TREM1: variants seen among roughly 807,000 people sequenced by gnomAD.
TREM1 encodes triggering receptor expressed on myeloid cells 1, also known as triggering receptor expressed on monocytes 1.
A neutral mutation model predicts 22.4 loss-of-function variants in TREM1; 16 were observed. The ratio of observed to expected loss-of-function variants is 0.71; its 90% confidence interval spans 0.48 to 1.08. TREM1 has a LOEUF of 1.08. Among genes scored for constraint, TREM1 ranks in the 50% least tolerant of loss-of-function variants. The probability of loss-of-function intolerance (pLI) is 0.00; values close to 1 mark genes in which losing one functional copy is unlikely to be tolerated. For synonymous variants in TREM1, 110 were observed against 111.6 expected, an observed-to-expected ratio of 0.99 and a Z score of 0.09; for missense variants, 283 against 282.9, an observed-to-expected ratio of 1.00 and a Z score of 0.00.
At chr6:41,269,273 C>T (rs886966164), downstream of TREM1, among the ~76,000 whole-genome samples, 34 of 152,064 alleles carry the variant, frequency 2.2e-4, no homozygotes, top group Admixed American at 5.2e-4. Flanking sequence ...GAGAAGCAAC[C>T]GAAGGTCACC....
chr6:41,268,464 TG>T (rs1377492456), intron 3 of TREM1, among the ~76,000 whole-genome samples: 8 of 152,228 alleles, frequency 5.3e-5, no homozygotes, highest in Admixed American at 5.2e-4. Flanking sequence ...ACTCCAATGA[TG>T]GATTCATACC....
In TREM1 at chr6:41,283,719, A is replaced by AAACACAC. The variant is rs1554147927; in HGVS notation, c.50-969_50-968insGTGTGTT. Reference sequence around the variant, plus strand: ...AGGGCAAGACTCTGTTAAAAAAAAAAACACACACACACACACACACATACA... The same window carrying AAACACAC: ...AGGGCAAGACTCTGTTAAAAAAAAAAAACACACACACACACACACACACACACATACA... On this transcript the variant is annotated intron_variant, in intron 1 of 3. Coordinates refer to ENST00000244709, the MANE Select transcript of TREM1 (RefSeq NM_018643.5). 4.4e-3 allele frequency among the ~76,000 whole-genome samples: 646 copies of AAACACAC among 147,016 alleles called. 3 individuals carry two copies. Among genetic ancestry groups the AAACACAC allele is most frequent in the African/African-American group, 0.014 (541 of 39,426 alleles).
chr6:41,278,202 A>T (rs1767746304), intron 3 of TREM1, among the ~76,000 whole-genome samples: 2 of 151,898 alleles, frequency 1.3e-5, no homozygotes, highest in Non-Finnish European at 2.9e-5. Context: ...CTGGGATTAT[A>T]TGTGTGAGCC....
At chr6:41,279,951 T>C in intron 3 of TREM1, 16 of 976,550 alleles carry the variant, frequency 1.6e-5, no homozygotes, top group Non-Finnish European at 1.9e-5. Flanking sequence ...TTATCAACAC[T>C]ATATCAATGT....
intron 1 of TREM1, among the ~76,000 whole-genome samples, chr6:41,283,739 CAT>C (rs1768036511): frequency 6.6e-6 from 1 of 151,510 alleles, no homozygotes; most frequent in African/African-American, 2.4e-5. Flanking sequence ...CACACACACA[CAT>C]ACACAAAGTA....
chr6:41,272,910 C>A (rs1192742241), downstream of TREM1, among the ~76,000 whole-genome samples: 1 of 152,134 alleles, frequency 6.6e-6, no homozygotes, highest in African/African-American at 2.4e-5. Context: ...CTCTCCAGTA[C>A]CAAACACCTT....
intron 1 of TREM1, among the ~76,000 whole-genome samples, chr6:41,283,980 G>A (rs1264491132): frequency 6.6e-6 from 1 of 152,116 alleles, no homozygotes; most frequent in African/African-American, 2.4e-5. Flanking sequence ...GGAAGAGGGG[G>A]ATAGTGGAGG....
In TREM1 at chr6:41,275,874, C is replaced by T. The variant is rs1042316608; in HGVS notation, c.*251G>A. The T allele has an allele frequency of 1.1e-5, 6 of 532,748 alleles. No homozygotes were observed. The highest frequency in any genetic ancestry group is 6.4e-5 in the Admixed American group (2 of 31,336). 33.0% of individuals were successfully genotyped at this position (532,748 alleles called of 1,614,324 possible). A position where few individuals can be genotyped will look rare whatever the true frequency, so the allele number is the denominator to read the frequency against. ...TGTATTTCATGCCAACCCCAAGTGG[C>T]TGGTGGAATGAAGGACCAAGCATGT... On this transcript the variant is annotated 3_prime_UTR_variant, in exon 4 of 4. Transcript: ENST00000244709.
Position 41,274,131 on chromosome 6 carries a change from C to T in TREM1, c.*1994G>A, listed in dbSNP as rs903980694. On this transcript the variant is annotated 3_prime_UTR_variant, in exon 4 of 4. Coordinates refer to ENST00000244709, the MANE Select transcript of TREM1 (RefSeq NM_018643.5). ...CTTGATCTATAATAAGTTAAGCACA[C>T]AAGCATGCACTGGACCATGCAGTGG... 1.3e-5 allele frequency among the ~76,000 whole-genome samples: 2 copies of T among 152,202 alleles called. No homozygotes were observed. Among genetic ancestry groups the T allele is most frequent in the Admixed American group, 1.3e-4 (2 of 15,288 alleles).
rs774119729 is a variant in TREM1, at chr6:41,276,170, G to C, written c.660C>G (p.Val220=). 7.9e-5 allele frequency: 127 copies of C among 1,614,028 alleles called. No individual in the cohort carries two copies. Among genetic ancestry groups the C allele is most frequent in the Non-Finnish European group, 1.1e-4 (126 of 1,180,034 alleles). ...GCGTGACAGCAAACAGGACAGAGAA[G>C]ACCAGGCTCTTACTCAGGAATCCAC... ...LAGGFLSKSL[V]FSVLFAVTLR... is the part of the protein sequence containing the mutation. The change falls in exon 4 of 4, where the codon GTC becomes GTG. Residue 220 remains valine (V), a synonymous_variant. Transcript: ENST00000244709.
downstream of TREM1, among the ~76,000 whole-genome samples, chr6:41,267,562 G>A (rs754552998): frequency 3.7e-4 from 57 of 152,130 alleles, no homozygotes; most frequent in Non-Finnish European, 6.5e-4. Flanking sequence ...AGGGTAGGCA[G>A]TGCAGCTCAG....
chr6:41,268,487 G>A (rs1767394685), intron 3 of TREM1, among the ~76,000 whole-genome samples: 1 of 152,218 alleles, frequency 6.6e-6, no homozygotes, highest in African/African-American at 2.4e-5. Context: ...GAAGGACCAA[G>A]CCATCCACTG....
chr6:41,281,026 CT>C lies in TREM1; in HGVS notation c.533del (p.Lys178SerfsTer18). 1 of 1,614,208 alleles carries C rather than the reference CT, an allele frequency of 6.2e-7. No individual in the cohort carries two copies. The highest frequency in any genetic ancestry group is 8.5e-7 in the Non-Finnish European group (1 of 1,180,040). On this transcript the variant is annotated frameshift_variant, in exon 3 of 4. Transcript: ENST00000244709. LOFTEE classifies it high-confidence loss of function. ...SPRTVTQAPP[K>X]STADVSTPDS... ...CAGGAGTGGAGACATCGGCAGTTGA[CT>C]TGGGTGGAGCTTGGGTCACAGTTCT...
downstream of TREM1, among the ~76,000 whole-genome samples, chr6:41,272,118 T>C (rs1181820307): frequency 1.3e-5 from 2 of 152,130 alleles, no homozygotes; most frequent in African/African-American, 2.4e-5. Context: ...TTGACAAACC[T>C]TGGGGGAAGT....
Position 41,280,754 on chromosome 6 carries a change from G to A in TREM1, c.599+207C>T, listed in dbSNP as rs1767872999. On this transcript the variant is annotated intron_variant, in intron 3 of 3. Transcript: ENST00000244709. ...CAAGGAAACAAAGAAGGTGAACTGG[G>A]GAGAAGGACAGCCTGGCTGAGAGCC... is the stretch of plus-strand genomic sequence containing the variant. 11 of 1,443,776 alleles carry A rather than the reference G, an allele frequency of 7.6e-6. No individual in the cohort carries two copies. The South Asian group carries it at 1.3e-4, about 18-fold the overall frequency. 89.4% of individuals were successfully genotyped at this position (1,443,776 alleles called of 1,614,324 possible).
At chr6:41,282,836 T>G in intron 1 of TREM1, 85 bp from the exon 2 acceptor site, 1 of 1,272,532 alleles carries the variant, frequency 7.9e-7, no homozygotes, top group Non-Finnish European at 1.1e-6. Flanking sequence ...CCCCCTGTTT[T>G]TCTTGTCCAA....
intron 3 of TREM1, chr6:41,280,321 A>G (rs1767854184): frequency 5.1e-6 from 5 of 985,150 alleles, no homozygotes; most frequent in African/African-American, 3.5e-5. Flanking sequence ...TTGCCTACAC[A>G]TTAGAAATCT....
intron 3 of TREM1, among the ~76,000 whole-genome samples, chr6:41,278,967 A>C (rs1176137739): frequency 6.6e-6 from 1 of 152,158 alleles, no homozygotes; most frequent in African/African-American, 2.4e-5. Context: ...GGGGTCAGGG[A>C]ACCTAAGGCC....
chr6:41,275,862 A>G lies in TREM1; in HGVS notation c.*263T>C, dbSNP rs527549616. 4.1e-5 allele frequency: 21 copies of G among 516,220 alleles called. No homozygotes were observed. Among genetic ancestry groups the G allele is most frequent in the African/African-American group, 3.8e-4 (20 of 52,206 alleles). The allele number at this position is 516,220 out of a possible 1,614,324, so 32.0% of individuals were successfully genotyped here. A position where few individuals can be genotyped will look rare whatever the true frequency, so the allele number is the denominator to read the frequency against. ...CATTGAGCTGTCTGTATTTCATGCC[A>G]ACCCCAAGTGGCTGGTGGAATGAAG... On this transcript the variant is annotated 3_prime_UTR_variant, in exon 4 of 4. Coordinates refer to ENST00000244709, the MANE Select transcript of TREM1 (RefSeq NM_018643.5).
Sources: gnomAD v4.1 joint callset for allele counts (sites outside exome capture counted in the v4.1 genomes callset) on GRCh38, gnomAD v4.1.1 for gene constraint, MANE v1.5 for transcripts, NCBI Gene and HGNC (gene_info 2026-07-23, HGNC 2026-07-21) for gene names.